TMTC2: variants seen among roughly 807,000 people sequenced by gnomAD.
The protein encoded by TMTC2 is transmembrane O-mannosyltransferase targeting cadherins 2.
A neutral mutation model predicts 82.4 loss-of-function variants in TMTC2; 43 were observed. That is an observed-to-expected ratio of 0.52 (90% CI 0.41 to 0.67). The LOEUF (loss-of-function observed/expected upper bound fraction) is 0.67, where lower values mean the gene tolerates loss of function less well. Ranked by LOEUF, TMTC2 falls within the 30% of genes least tolerant of loss-of-function variation. The pLI, the probability that TMTC2 is intolerant of heterozygous loss-of-function variation, is 0.00. For missense variants in TMTC2, 919 were observed against 1,012.4 expected (o/e 0.91, Z 1.25); for synonymous variants, 408 against 381.9 (o/e 1.07, Z -0.80).
chr12:82,862,365 A>T lies in TMTC2; in HGVS notation c.654+4785A>T, dbSNP rs1871597365. On this transcript the variant is annotated intron_variant, in intron 2 of 11. Coordinates refer to ENST00000321196, the MANE Select transcript of TMTC2 (RefSeq NM_152588.3). Reference sequence around the variant, plus strand: ...ACATCTGTTAACTGTTTTAATGTGGAAACATCTCTTTCCCCTTTATTAGCC... The same window carrying T: ...ACATCTGTTAACTGTTTTAATGTGGTAACATCTCTTTCCCCTTTATTAGCC... 2.0e-5 allele frequency among the ~76,000 whole-genome samples: 3 copies of T among 152,198 alleles called. No individual in the cohort carries two copies. The South Asian group carries it at 6.2e-4, about 31-fold the overall frequency.
At chr12:82,716,398 T>C (rs1239419498) in intron 1 of TMTC2, among the ~76,000 whole-genome samples, 1 of 150,584 alleles carries the variant, frequency 6.6e-6, no homozygotes, top group Non-Finnish European at 1.5e-5. Context: ...GAGTCTCGCT[T>C]TGTCGCCCAG....
chr12:82,969,049 C>T (rs1878341099), intron 7 of TMTC2, among the ~76,000 whole-genome samples: 1 of 152,046 alleles, frequency 6.6e-6, no homozygotes, highest in Admixed American at 6.5e-5. Flanking sequence ...GTGAATTCAC[C>T]TCCTAATCAA....
rs374413732 is a variant in TMTC2, at chr12:83,058,216, C to A, written c.2268-3552C>A. Among the ~76,000 whole-genome samples the A allele has an allele frequency of 8.1e-4, 123 of 151,850 alleles. 3 individuals carry two copies. The South Asian group carries it at 0.025, about 31-fold the overall frequency. On this transcript the variant is annotated intron_variant, in intron 10 of 11. Transcript: ENST00000321196. ...TGTACAAAAATGGAATTCCGCAGTA[C>A]GCAAATGATGAAATTTGTTTATGAG...
chr12:83,006,096 C>A (rs1655594), intron 8 of TMTC2, among the ~76,000 whole-genome samples: 86,372 of 151,972 alleles, frequency 0.57, 26,326 homozygotes, highest in East Asian at 0.84. Flanking sequence ...CAGCCAGGAT[C>A]CCAGAAGTCC....
intron 1 of TMTC2, among the ~76,000 whole-genome samples, chr12:82,753,649 G>A (rs928773536): frequency 2.0e-5 from 3 of 152,170 alleles, no homozygotes; most frequent in Non-Finnish European, 2.9e-5. Context: ...GAAGATATGA[G>A]AAGTTTAGAT....
intron 1 of TMTC2, among the ~76,000 whole-genome samples, chr12:82,706,878 G>A (rs1873386162): frequency 6.6e-6 from 1 of 152,148 alleles, no homozygotes; most frequent in African/African-American, 2.4e-5. Context: ...TGAGTAAGAG[G>A]AGGAGAGGTG....
intron 11 of TMTC2, among the ~76,000 whole-genome samples, chr12:83,068,886 G>C (rs1883012030): frequency 6.6e-6 from 1 of 151,808 alleles, no homozygotes; most frequent in African/African-American, 2.4e-5. Flanking sequence ...AAGTTCCCAA[G>C]GTCCATTGTA....
intron 8 of TMTC2, among the ~76,000 whole-genome samples, chr12:83,013,491 G>A (rs1277125546): frequency 6.6e-6 from 1 of 152,088 alleles, no homozygotes; most frequent in African/African-American, 2.4e-5. Flanking sequence ...TTTCAGTACA[G>A]AAGCTATCTG....
chr12:83,082,088 T>C (rs1395621718), intron 11 of TMTC2, among the ~76,000 whole-genome samples: 2 of 152,384 alleles, frequency 1.3e-5, no homozygotes, highest in East Asian at 1.9e-4. Flanking sequence ...TAGCCCTTAA[T>C]ATTAATTTGT....
At chr12:82,933,350 A>G (rs1027578643) in intron 4 of TMTC2, among the ~76,000 whole-genome samples, 6 of 152,204 alleles carry the variant, frequency 3.9e-5, no homozygotes, top group African/African-American at 1.4e-4. Context: ...GTTTGGTATC[A>G]TATTTATAGG....
intron 8 of TMTC2, among the ~76,000 whole-genome samples, chr12:83,029,322 C>T (rs982983356): frequency 1.3e-5 from 2 of 151,904 alleles, no homozygotes; most frequent in African/African-American, 4.8e-5. Context: ...TATGCATGAA[C>T]CTTTTTAAAA....
chr12:83,006,733 G>GA (rs1312576560), intron 8 of TMTC2, among the ~76,000 whole-genome samples: 1 of 152,170 alleles, frequency 6.6e-6, no homozygotes, highest in African/African-American at 2.4e-5. Flanking sequence ...ACTGGATTAA[G>GA]AAAATGTGGC....
At chr12:83,008,964 G>A (rs553921303) in intron 8 of TMTC2, among the ~76,000 whole-genome samples, 1 of 152,290 alleles carries the variant, frequency 6.6e-6, no homozygotes, top group African/African-American at 2.4e-5. Context: ...AGCTGTTGTG[G>A]TGGTGAAGTA....
chr12:82,931,084 T>A (rs1051267220), intron 4 of TMTC2, among the ~76,000 whole-genome samples: 3 of 152,050 alleles, frequency 2.0e-5, no homozygotes, highest in South Asian at 2.1e-4. Flanking sequence ...AATTTTTAAA[T>A]TTTTTTGTAG....
rs190076248 is a variant in TMTC2 at position 82,853,125 on chromosome 12, C to T, written c.84-3885C>T. Among the ~76,000 whole-genome samples the T allele has an allele frequency of 2.7e-5, 4 of 149,324 alleles. No individual in the cohort carries two copies. The East Asian group carries it at 5.9e-4, about 22-fold the overall frequency. On this transcript the variant is annotated intron_variant, in intron 1 of 11. Transcript: ENST00000321196. ...GTTTTTTTTCTTTTTTTTTTTGAGA[C>T]GGAGTCTCACTCTATTGCCAAGGCA...
At chr12:83,052,627 A>G (rs1222948036) in intron 10 of TMTC2, among the ~76,000 whole-genome samples, 2 of 152,190 alleles carry the variant, frequency 1.3e-5, no homozygotes, top group Non-Finnish European at 1.5e-5. Flanking sequence ...TCATCTTGAT[A>G]ATAACAGATA....
rs183096987 is a variant in TMTC2, at chr12:82,901,885, A to G, written c.1483+5239A>G. On this transcript the variant is annotated intron_variant, in intron 3 of 11. Transcript: ENST00000321196. ...TTTGCATCTATTTCAGCTGTAATCA[A>G]CTATTATTATACTGCAGCTCTGTTG... Among the ~76,000 whole-genome samples the G allele has an allele frequency of 2.7e-3, 404 of 150,180 alleles. 1 individual carries two copies. The highest frequency in any genetic ancestry group is 6.1e-3 in the South Asian group (29 of 4,726).
intron 1 of TMTC2, among the ~76,000 whole-genome samples, chr12:82,786,078 A>G (rs1486200747): frequency 6.6e-6 from 1 of 151,842 alleles, no homozygotes; most frequent in Admixed American, 6.6e-5. Flanking sequence ...TGATTACTTG[A>G]TTTGTGTTTT....
rs181916122 is a variant in TMTC2, at chr12:82,971,178, G to T, written c.1948+4181G>T. Reference sequence around the variant, plus strand: ...ACTCCCCCAAATCTTACAAAGTTCAGATTTACAGTTTGTATTAGAACCAGG... The same window carrying T: ...ACTCCCCCAAATCTTACAAAGTTCATATTTACAGTTTGTATTAGAACCAGG... On this transcript the variant is annotated intron_variant, in intron 7 of 11. Coordinates refer to ENST00000321196, the MANE Select transcript of TMTC2 (RefSeq NM_152588.3). Among the ~76,000 whole-genome samples, 206 of 151,680 alleles carry T rather than the reference G, an allele frequency of 1.4e-3. 1 individual carries two copies. Among genetic ancestry groups the T allele is most frequent in the African/African-American group, 4.9e-3 (200 of 41,136 alleles).
Sources: gnomAD v4.1 joint callset for allele counts (sites outside exome capture counted in the v4.1 genomes callset) on GRCh38, gnomAD v4.1.1 for gene constraint, MANE v1.5 for transcripts, NCBI Gene and HGNC (gene_info 2026-07-23, HGNC 2026-07-21) for gene names.